CASP4: variants seen among roughly 807,000 people sequenced by gnomAD.
The protein encoded by CASP4 is caspase-4.
Under a neutral mutation model 41.3 loss-of-function variants are expected in CASP4, and 29 were observed. The observed-to-expected ratio is 0.70, with a 90% CI of 0.52 to 0.96. The LOEUF (loss-of-function observed/expected upper bound fraction) is 0.96, where lower values mean the gene tolerates loss of function less well. Ranked by LOEUF, CASP4 falls within the 40% of genes least tolerant of loss-of-function variation. CASP4 has a pLI of 0.00. For missense variants in CASP4, 447 were observed against 460.6 expected, an observed-to-expected ratio of 0.97 and a Z score of 0.27; for synonymous variants, 185 against 158.4, an observed-to-expected ratio of 1.17 and a Z score of -1.26.
At chr11:104,958,868 G>A (rs1860796181) in intron 1 of CASP4, among the ~76,000 whole-genome samples, 1 of 147,728 alleles carries the variant, frequency 6.8e-6, no homozygotes, top group Admixed American at 7.0e-5. Flanking sequence ...GGCAGAGGCA[G>A]TAGAATTGCT....
At chr11:104,954,032 A>G (rs1464734556) in intron 2 of CASP4, among the ~76,000 whole-genome samples, 2 of 152,156 alleles carry the variant, frequency 1.3e-5, no homozygotes, top group Admixed American at 6.6e-5. Context: ...GGCATCTGCT[A>G]TGTGCCAAGA....
Position 104,944,809 on chromosome 11 carries a change from G to A in CASP4, c.1078C>T (p.Pro360Ser). The change falls in exon 8 of 9, where the codon CCC becomes TCC. Residue 360 changes from proline (P) to serine (S), a missense_variant. Physicochemically the swap from Pro to Ser is moderately conservative, Grantham distance 74 (BLOSUM62 -1). Coordinates refer to ENST00000444739, the MANE Select transcript of CASP4 (RefSeq NM_001225.4). Reference sequence around the variant, plus strand: ...GTCATGGACAGTCGTTCTATGGTGGGCATTTGAGCTTTGGCCCTTGGAGTT... The same window carrying A: ...GTCATGGACAGTCGTTCTATGGTGGACATTTGAGCTTTGGCCCTTGGAGTT... Reference protein sequence around the residue: ...FETPRAKAQMPTIERLSMTRY... With the variant: ...FETPRAKAQMSTIERLSMTRY... The A allele has an allele frequency of 6.2e-7, 1 of 1,613,554 alleles. No homozygotes were observed. The highest frequency in any genetic ancestry group is 8.5e-7 in the Non-Finnish European group (1 of 1,179,586).
chr11:104,968,529 G>T lies in CASP4; in HGVS notation c.-4C>A. ...CAGAAAAGGACTCACCTGCCATAGG[G>T]AACAGCCTCTGTCCTTTTTTACAGC... On this transcript the variant is annotated 5_prime_UTR_variant, in exon 1 of 9. Transcript: ENST00000444739. 6.2e-7 allele frequency: 1 copy of T among 1,613,076 alleles called. No homozygotes were observed. The highest frequency in any genetic ancestry group is 8.5e-7 in the Non-Finnish European group (1 of 1,179,128).
rs536148032 is a variant in CASP4 at position 104,959,743 on chromosome 11, C to T, written c.8-4742G>A. ...TACCTATACTCCAAGTACAAAAGAG[C>T]AGCAATACCTGGTGATATTCAACCT... is the stretch of plus-strand genomic sequence containing the variant. On this transcript the variant is annotated intron_variant, in intron 1 of 8. Transcript: ENST00000444739. Among the ~76,000 whole-genome samples, 11 of 152,256 alleles carry T rather than the reference C, an allele frequency of 7.2e-5. No individual in the cohort carries two copies. In the East Asian group the frequency reaches 1.7e-3, roughly 24 times the overall value.
At chr11:104,950,167 C>T (rs916638571) in intron 4 of CASP4, among the ~76,000 whole-genome samples, 7 of 152,138 alleles carry the variant, frequency 4.6e-5, no homozygotes, top group African/African-American at 1.7e-4. Context: ...GACCATACAC[C>T]ACCCTCATAC....
At chr11:104,948,014 A>T (rs1860505771) in intron 6 of CASP4, 1 of 152,204 alleles carries the variant, frequency 6.6e-6, no homozygotes, top group African/African-American at 2.4e-5. Flanking sequence ...AAAAAATAAG[A>T]TTTAAAAATA....
At chr11:104,954,664 A>G (rs1300556591) in intron 2 of CASP4, 83 bp downstream of exon 2, 1 of 1,232,598 alleles carries the variant, frequency 8.1e-7, no homozygotes, top group Non-Finnish European at 1.2e-6. Context: ...AGATAGGGGA[A>G]TCACAGAAGA....
intron 1 of CASP4, among the ~76,000 whole-genome samples, chr11:104,967,324 G>A (rs938845473): frequency 6.6e-6 from 1 of 152,130 alleles, no homozygotes; most frequent in Non-Finnish European, 1.5e-5. Flanking sequence ...GTTCTATAGG[G>A]AGAATCAAAG....
intron 4 of CASP4, among the ~76,000 whole-genome samples, chr11:104,950,423 G>A (rs1435322573): frequency 6.6e-6 from 1 of 151,772 alleles, no homozygotes; most frequent in East Asian, 1.9e-4. Context: ...CTGTTTTGTA[G>A]ACACACATAT....
At chr11:104,951,754 A>T in intron 3 of CASP4, 142 bp downstream of exon 3, 1 of 695,276 alleles carries the variant, frequency 1.4e-6, no homozygotes, top group Non-Finnish European at 2.6e-6. Context: ...AAGTCACATA[A>T]TCTTTCCCTT....
At chr11:104,965,399 C>T (rs1214132375) in intron 1 of CASP4, among the ~76,000 whole-genome samples, 2 of 152,214 alleles carry the variant, frequency 1.3e-5, no homozygotes, top group Non-Finnish European at 2.9e-5. Flanking sequence ...CTCCTGTCAG[C>T]AGGAAGAAGC....
chr11:104,943,173 A>C, intron 8 of CASP4, 200 bp from the exon 9 acceptor site: 1 of 333,038 alleles, frequency 3.0e-6, no homozygotes, highest in Non-Finnish European at 5.9e-6. Flanking sequence ...CTTTTTTCTA[A>C]AGCACTAGAA....
chr11:104,952,199 C>T, intron 2 of CASP4, 194 bp from the exon 3 acceptor site: 1 of 558,736 alleles, frequency 1.8e-6, no homozygotes, highest in Non-Finnish European at 3.2e-6. Context: ...TCCACCCAAA[C>T]ATGTAATCAT....
intron 1 of CASP4, among the ~76,000 whole-genome samples, chr11:104,960,975 C>T (rs1307821576): frequency 6.6e-6 from 1 of 152,192 alleles, no homozygotes; most frequent in Non-Finnish European, 1.5e-5. Context: ...ATGAATAAAA[C>T]TTATGTGTGG....
At chr11:104,968,306 CTTCT>C (rs1440556098) in intron 1 of CASP4, among the ~76,000 whole-genome samples, 7 of 152,322 alleles carry the variant, frequency 4.6e-5, no homozygotes, top group Admixed American at 1.3e-4. Flanking sequence ...AAGGAATTAA[CTTCT>C]TTCTGGCTCA....
Position 104,949,720 on chromosome 11 carries a change from T to C in CASP4, c.604A>G (p.Ser202Gly). The C allele has an allele frequency of 6.2e-7, 1 of 1,613,978 alleles. No homozygotes were observed. The highest frequency in any genetic ancestry group is 8.5e-7 in the Non-Finnish European group (1 of 1,179,906). Reference sequence around the variant, plus strand: ...TGAGACATGAGTACCAAGAATGTGCTGTCAGAGGACTTGTGCTCTGGTCTG... The same window carrying C: ...TGAGACATGAGTACCAAGAATGTGCCGTCAGAGGACTTGTGCTCTGGTCTG... ...ATRPEHKSSD[S>G]TFLVLMSHGI... is the part of the protein sequence containing the mutation. The change falls in exon 5 of 9, where the codon AGC becomes GGC. Residue 202 changes from serine (S) to glycine (G), a missense_variant. By Grantham distance (56) the Ser-to-Gly change is moderately conservative. Transcript: ENST00000444739.
rs1179350018 is a variant in CASP4, at chr11:104,946,849, T to TA, written c.1035+233dup. On this transcript the variant is annotated intron_variant, in intron 7 of 8. Coordinates refer to ENST00000444739, the MANE Select transcript of CASP4 (RefSeq NM_001225.4). Reference sequence around the variant, plus strand: ...TTTCCTTCTCTAAAACTTAAGAACTTACGCTCCATAACATAAAGCTTATGG... The same window carrying TA: ...TTTCCTTCTCTAAAACTTAAGAACTTAACGCTCCATAACATAAAGCTTATGG... 23 of 298,914 alleles carry TA rather than the reference T, an allele frequency of 7.7e-5. 1 individual carries two copies. The East Asian group carries it at 1.3e-3, about 17-fold the overall frequency. 18.5% of individuals were successfully genotyped at this position (298,914 alleles called of 1,614,324 possible). A position where few individuals can be genotyped will look rare whatever the true frequency, so the allele number is the denominator to read the frequency against.
At chr11:104,943,885 A>G (rs1471646074) in intron 8 of CASP4, 1 of 152,226 alleles carries the variant, frequency 6.6e-6, no homozygotes, top group Non-Finnish European at 1.5e-5. Flanking sequence ...GAACAACTTT[A>G]TACATTTCAC....
At chr11:104,956,574 C>A in intron 1 of CASP4, 1 of 820,974 alleles carries the variant, frequency 1.2e-6, no homozygotes, top group South Asian at 5.6e-5. Context: ...AGCCCCCATT[C>A]TTAATTCATC....
Sources: allele counts gnomAD v4.1 joint callset (sites outside exome capture counted in the v4.1 genomes callset), GRCh38; gene constraint gnomAD v4.1.1; transcripts MANE v1.5; gene names NCBI Gene and HGNC (gene_info 2026-07-23, HGNC 2026-07-21).